GTF3C1: variants seen among roughly 807,000 people sequenced by gnomAD.
GTF3C1 encodes the protein general transcription factor IIIC subunit 1.
A neutral mutation model predicts 226.7 loss-of-function variants in GTF3C1; 57 were observed. That is an observed-to-expected ratio of 0.25 (90% CI 0.20 to 0.31). The LOEUF (loss-of-function observed/expected upper bound fraction) is 0.31, where lower values mean the gene tolerates loss of function less well. Ranked by LOEUF, GTF3C1 falls within the 10% of genes least tolerant of loss-of-function variation. The pLI, the probability that GTF3C1 is intolerant of heterozygous loss-of-function variation, is 1.00. For synonymous variants in GTF3C1, 1,090 were observed against 1,084.8 expected, an observed-to-expected ratio of 1.00 and a Z score of -0.09; for missense variants, 2,217 against 2,776.1, an observed-to-expected ratio of 0.80 and a Z score of 4.53.
chr16:27,462,435 G>T lies in GTF3C1; in HGVS notation c.5976C>A (p.Gly1992=), dbSNP rs1323388427. ...FIGRPWRVVD[G]HLNLPVCKGM... ...CCTTGCATACAGGAAGGTTCAGGTG[G>T]CCATCCACGACACGCCACGGCCGGC... The change falls in exon 36 of 37, where the codon GGC becomes GGA. Residue 1992 remains glycine, a synonymous_variant. Transcript: ENST00000356183. The surrounding 1 kb of genome is among the most constrained non-coding windows in gnomAD (Gnocchi z 4.5). The T allele has an allele frequency of 1.2e-6, 2 of 1,613,490 alleles. No homozygotes were observed. Among genetic ancestry groups the T allele is most frequent in the African/African-American group, 2.7e-5 (2 of 75,010 alleles).
In GTF3C1 at chr16:27,489,688, G is replaced by T; in HGVS notation, c.3207C>A (p.Asp1069Glu). 6.2e-7 allele frequency: 1 copy of T among 1,611,958 alleles called. No individual in the cohort carries two copies. ...RKNSSTDQGS[D>E]EEGSLQKEQE... is the part of the protein sequence containing the mutation. ...GCTCCTTCTGCAGGCTGCCCTCCTCGTCGCTGCCCTGGTCTGTGCTGCTGT... is the reference window on the plus strand; with the variant it reads ...GCTCCTTCTGCAGGCTGCCCTCCTCTTCGCTGCCCTGGTCTGTGCTGCTGT... The change falls in exon 20 of 37, where the codon GAC (aspartate) becomes GAA (glutamate). Residue 1069 changes from aspartate (D) to glutamate (E), a missense_variant. Around this residue, in one of 12 missense-constraint regions of GTF3C1, gnomAD observed 353 missense variants for 411.7 expected, o/e 0.86. Coordinates refer to ENST00000356183, the MANE Select transcript of GTF3C1 (RefSeq NM_001520.4).
At position 27,461,157 on chromosome 16, in the gene GTF3C1, G is replaced by A; in HGVS notation, c.*193C>T. The A allele has an allele frequency of 1.8e-6, 1 of 547,680 alleles. No individual in the cohort carries two copies. Among genetic ancestry groups the A allele is most frequent in the East Asian group, 2.8e-5 (1 of 35,362 alleles). The allele number at this position is 547,680 out of a possible 1,614,324, so 33.9% of individuals were successfully genotyped here. Reference sequence around the variant, plus strand: ...CCAGAAGAGCCTGGGGGATGGGCAGGTCGGGGAGCCCCTCTTTCCAGAGTT... The same window carrying A: ...CCAGAAGAGCCTGGGGGATGGGCAGATCGGGGAGCCCCTCTTTCCAGAGTT... On this transcript the variant is annotated 3_prime_UTR_variant, in exon 37 of 37. Transcript: ENST00000356183. The surrounding 1 kb of genome is among the most constrained non-coding windows in gnomAD (Gnocchi z 5.3).
At chr16:27,545,867 A>C (rs144536368) in intron 1 of GTF3C1, among the ~76,000 whole-genome samples, 3 of 152,006 alleles carry the variant, frequency 2.0e-5, no homozygotes, top group Admixed American at 2.0e-4. Context: ...CGCTTTTTTG[A>C]GATGGAGTTT....
chr16:27,531,924 C>A (rs1468052126), intron 5 of GTF3C1, among the ~76,000 whole-genome samples: 1 of 152,226 alleles, frequency 6.6e-6, no homozygotes, highest in African/African-American at 2.4e-5. Flanking sequence ...AACTGAGACA[C>A]AGAGAAGCAA....
chr16:27,485,363 C>T (rs1269518398), intron 24 of GTF3C1, among the ~76,000 whole-genome samples: 1 of 152,248 alleles, frequency 6.6e-6, no homozygotes, highest in African/African-American at 2.4e-5. Flanking sequence ...GGTCTCGCTG[C>T]CTTGTGGACC....
chr16:27,506,881 G>A lies in GTF3C1; in HGVS notation c.1518C>T (p.Pro506=). Residue 506 remains proline (P), a synonymous_variant, in exon 9 of 37, where the codon CCC becomes CCT. Coordinates refer to ENST00000356183, the MANE Select transcript of GTF3C1 (RefSeq NM_001520.4). The part of the protein sequence containing the change: ...KDTRASANLR[P]KTQPHHSTPT... ...GGGTGGAGTGATGAGGCTGGGTCTTGGGCCGGAGGTTTGCAGAGGCTCTTG... is the reference window on the plus strand; with the variant it reads ...GGGTGGAGTGATGAGGCTGGGTCTTAGGCCGGAGGTTTGCAGAGGCTCTTG... 6.2e-7 allele frequency: 1 copy of A among 1,612,724 alleles called. No individual in the cohort carries two copies. The highest frequency in any genetic ancestry group is 8.5e-7 in the Non-Finnish European group (1 of 1,179,806).
At chr16:27,465,174 A>G (rs1444278646) in intron 33 of GTF3C1, 86 bp downstream of exon 33, 3 of 1,271,142 alleles carry the variant, frequency 2.4e-6, no homozygotes, top group African/African-American at 1.5e-5. Flanking sequence ...CTATGCCCCA[A>G]ATCAAGCCCA....
intron 34 of GTF3C1, 156 bp downstream of exon 34, chr16:27,464,164 C>A: frequency 2.1e-6 from 1 of 474,358 alleles, no homozygotes; most frequent in Non-Finnish European, 3.6e-6. Context: ...CAGTATCCTC[C>A]CCCTCAGGGC....
chr16:27,470,200 G>A lies in GTF3C1; in HGVS notation c.4722C>T (p.Leu1574=), dbSNP rs375941193. 11 of 1,613,526 alleles carry A rather than the reference G, an allele frequency of 6.8e-6. No homozygotes were observed. The highest frequency in any genetic ancestry group is 9.3e-6 in the Non-Finnish European group (11 of 1,179,524). ...PGGNCVAVLT[L]FSLGLISVDV... is the part of the protein sequence containing the mutation. ...CCACAGAAATGAGGCCCAGAGAGAA[G>A]AGGGTCAGGACGGCCACACAATTTC... Residue 1574 remains leucine (L), a synonymous_variant, in exon 31 of 37, where the codon CTC becomes CTT. Transcript: ENST00000356183. The surrounding 1 kb of genome is among the most constrained non-coding windows in gnomAD (Gnocchi z 4.9).
At chr16:27,483,501 C>G (rs2088088237) in intron 25 of GTF3C1, 3 of 463,254 alleles carry the variant, frequency 6.5e-6, no homozygotes, top group Middle Eastern at 3.2e-4. Context: ...CTTAAGCTCT[C>G]TAATCTACTG....
intron 6 of GTF3C1, among the ~76,000 whole-genome samples, chr16:27,523,518 C>A (rs1019947613): frequency 2.0e-5 from 3 of 152,012 alleles, no homozygotes; most frequent in Non-Finnish European, 4.4e-5. Flanking sequence ...ACTGGAAAGA[C>A]AAAGCTCAAG....
At position 27,469,562 on chromosome 16, in the gene GTF3C1, T is replaced by G; in HGVS notation, c.4815-12A>C. On this transcript the variant is annotated splice_polypyrimidine_tract_variant and intron_variant, in intron 31 of 36. Coordinates refer to ENST00000356183, the MANE Select transcript of GTF3C1 (RefSeq NM_001520.4). The surrounding 1 kb of genome is among the most constrained non-coding windows in gnomAD (Gnocchi z 4.5). The stretch of plus-strand genomic sequence containing the variant: ...CGTCCTTCCCCAAGCTAGAAGGGAA[T>G]TGTGACCTGGATACCTGAGCATAGG... 1 of 1,605,004 alleles carries G rather than the reference T, an allele frequency of 6.2e-7. No homozygotes were observed. Among genetic ancestry groups the G allele is most frequent in the Non-Finnish European group, 8.5e-7 (1 of 1,172,916 alleles).
intron 1 of GTF3C1, among the ~76,000 whole-genome samples, chr16:27,545,856 C>T (rs1247934293): frequency 1.3e-5 from 2 of 152,094 alleles, no homozygotes; most frequent in African/African-American, 4.8e-5. Flanking sequence ...AGGCTTTCCT[C>T]CGCTTTTTTG....
rs773956401 is a variant in GTF3C1, at chr16:27,465,477, A to G, written c.5138T>C (p.Ile1713Thr). The G allele has an allele frequency of 6.2e-7, 1 of 1,609,242 alleles. No individual in the cohort carries two copies. The highest frequency in any genetic ancestry group is 8.5e-7 in the Non-Finnish European group (1 of 1,179,640). The change falls in exon 33 of 37, where the codon ATA (isoleucine) becomes ACA (threonine). Residue 1713 changes from isoleucine to threonine, a missense_variant. Physicochemically the swap from Ile to Thr is moderately conservative, Grantham distance 89 (BLOSUM62 -1). This residue lies in a region of GTF3C1 where 455 missense variants were observed against 441.9 expected (regional missense o/e 1.03). Coordinates refer to ENST00000356183, the MANE Select transcript of GTF3C1 (RefSeq NM_001520.4). ...GCTGCAGGTGTTTTCCTGGGGGTTT[A>G]TCAGCTTGGTGAACGTATCAGGGAG... ...SCLPDTFTKL[I>T]NPQENTCSLE...
At chr16:27,521,803 C>T (rs1231571044) in intron 6 of GTF3C1, among the ~76,000 whole-genome samples, 4 of 152,160 alleles carry the variant, frequency 2.6e-5, no homozygotes, top group East Asian at 3.8e-4. Context: ...ATTTTCTAGG[C>T]TTTTAAAATT....
chr16:27,504,525 C>T (rs942922262), intron 10 of GTF3C1, among the ~76,000 whole-genome samples: 4 of 152,224 alleles, frequency 2.6e-5, no homozygotes, highest in Non-Finnish European at 4.4e-5. Context: ...AAGGGAGAAG[C>T]GGCGTAGGGT....
At chr16:27,513,656 G>A (rs377366665) in intron 6 of GTF3C1, among the ~76,000 whole-genome samples, 1 of 152,114 alleles carries the variant, frequency 6.6e-6, no homozygotes, top group African/African-American at 2.4e-5. Context: ...ACACTGCCCC[G>A]CAAACATCTT....
At chr16:27,496,645 A>G (rs970273618) in intron 14 of GTF3C1, among the ~76,000 whole-genome samples, 1 of 152,128 alleles carries the variant, frequency 6.6e-6, no homozygotes, top group African/African-American at 2.4e-5. Context: ...ACCTCATGAT[A>G]TGCTCCACTT....
intron 4 of GTF3C1, among the ~76,000 whole-genome samples, chr16:27,537,233 C>T (rs2089014334): frequency 6.6e-6 from 1 of 152,196 alleles, no homozygotes; most frequent in Non-Finnish European, 1.5e-5. Flanking sequence ...TACATCTCCC[C>T]AAAATGTCAC....
Sources: gnomAD v4.1 joint callset for allele counts (sites outside exome capture counted in the v4.1 genomes callset) on GRCh38, gnomAD v4.1.1 for gene constraint, gnomAD v4.1.1 regional missense constraint, Gnocchi (gnomAD v3.1) non-coding constraint, MANE v1.5 for transcripts, NCBI Gene and HGNC (gene_info 2026-07-23, HGNC 2026-07-21) for gene names.